PRKAG2: variants seen among roughly 807,000 people sequenced by gnomAD.
PRKAG2 encodes the protein 5'-AMP-activated protein kinase subunit gamma-2.
PRKAG2 carries 26 observed loss-of-function variants against 69.6 expected under a neutral mutation model. The ratio of observed to expected loss-of-function variants is 0.37; its 90% CI spans 0.27 to 0.52. PRKAG2 has a LOEUF of 0.52. Ranked by LOEUF, PRKAG2 falls within the 20% of genes least tolerant of loss-of-function variation. The pLI is 0.90. For missense variants in PRKAG2, 557 were observed against 740.0 expected (o/e 0.75, Z 2.87); for synonymous variants, 293 against 285.0 (o/e 1.03, Z -0.28).
rs1302842896 is a variant in PRKAG2, at chr7:151,583,605, G to A, written c.865-7153C>T. ...ATTCTCCATAATTATAGACGGCACA[G>A]GGTGTTCCAATTAACCAATAAACAG... On this transcript the variant is annotated intron_variant, in intron 6 of 15. Coordinates refer to ENST00000287878, the MANE Select transcript of PRKAG2 (RefSeq NM_016203.4). The surrounding 1 kb of genome is among the most constrained non-coding windows in gnomAD (Gnocchi z 4.1). 6.6e-6 allele frequency among the ~76,000 whole-genome samples: 1 copy of A among 152,176 alleles called. No homozygotes were observed. Among genetic ancestry groups the A allele is most frequent in the Admixed American group, 6.5e-5 (1 of 15,280 alleles).
chr7:151,862,807 ACAGGGAGCACTGTTAGGTCCCTGAGTG>A (rs1208501853), intron 1 of PRKAG2, among the ~76,000 whole-genome samples: 2 of 134,200 alleles, frequency 1.5e-5, no homozygotes, highest in African/African-American at 2.8e-5. Context: ...GTCCCTGGGT[ACAGGGAGCACTGTTAGGTCCCTGAGTG>A]CAGGGAGCAC....
chr7:151,657,284 G>A (rs137864584), intron 4 of PRKAG2, among the ~76,000 whole-genome samples: 215 of 152,234 alleles, frequency 1.4e-3, no homozygotes, highest in African/African-American at 4.7e-3. Context: ...ACATAGGTTG[G>A]GCTCAAAGCT....
chr7:151,590,156 C>T lies in PRKAG2; in HGVS notation c.864+5189G>A, dbSNP rs143970382. Among the ~76,000 whole-genome samples, 250 of 152,314 alleles carry T rather than the reference C, an allele frequency of 1.6e-3. 3 individuals are homozygous for T. Among genetic ancestry groups the T allele is most frequent in the Middle Eastern group, 6.8e-3 (2 of 294 alleles). On this transcript the variant is annotated intron_variant, in intron 6 of 15. Coordinates refer to ENST00000287878, the MANE Select transcript of PRKAG2 (RefSeq NM_016203.4). ...TTGTGTGCCAGGGCCCACATGGCCA[C>T]TGCACTGGCCACTGAGGCAGAAGCC...
intron 5 of PRKAG2, among the ~76,000 whole-genome samples, chr7:151,604,578 CA>C (rs567281951): frequency 3.9e-4 from 60 of 152,210 alleles, no homozygotes; most frequent in African/African-American, 1.4e-3. Context: ...GTTGAGGCTG[CA>C]GTGAGCTGTG....
In PRKAG2 at chr7:151,756,694, G is replaced by A. The variant is rs1046513143; in HGVS notation, c.466+24458C>T. On this transcript the variant is annotated intron_variant, in intron 3 of 15. Coordinates refer to ENST00000287878, the MANE Select transcript of PRKAG2 (RefSeq NM_016203.4). The surrounding 1 kb of genome is among the most constrained non-coding windows in gnomAD (Gnocchi z 4.9). The stretch of plus-strand genomic sequence containing the variant: ...CAGCCCCGCCAGGGCTCCCAGCGCC[G>A]CCCTCTTCCCTTCTCCCACCTGGGG... Among the ~76,000 whole-genome samples, 2 of 152,084 alleles carry A rather than the reference G, an allele frequency of 1.3e-5. No individual in the cohort carries two copies. The highest frequency in any genetic ancestry group is 4.8e-5 in the African/African-American group (2 of 41,408).
rs182109073 is a variant in PRKAG2, at chr7:151,562,202, G to A, written c.1585-1585C>T. 4.9e-3 allele frequency among the ~76,000 whole-genome samples: 639 copies of A among 130,268 alleles called. 9 individuals carry two copies. Among genetic ancestry groups the A allele is most frequent in the African/African-American group, 0.017 (598 of 34,828 alleles). The allele number at this position is 130,268 out of a possible 152,430, so 85.5% of individuals were successfully genotyped here. A position where few individuals can be genotyped will look rare whatever the true frequency, so the allele number is the denominator to read the frequency against. ...GGAGGTTGTAGTGAGCTGAGATTGC[G>A]CCACTGCACTCCAGCCTGGGCGACA... On this transcript the variant is annotated intron_variant, in intron 14 of 15. Transcript: ENST00000287878.
chr7:151,636,452 C>T (rs1367053975), intron 4 of PRKAG2, among the ~76,000 whole-genome samples: 3 of 152,146 alleles, frequency 2.0e-5, no homozygotes, highest in Non-Finnish European at 4.4e-5. Flanking sequence ...ATGTCAGGGC[C>T]CATTCACATT....
rs555900374 is a variant in PRKAG2 at position 151,803,053 on chromosome 7, G to A, written c.115-16512C>T. On this transcript the variant is annotated intron_variant, in intron 1 of 15. Coordinates refer to ENST00000287878, the MANE Select transcript of PRKAG2 (RefSeq NM_016203.4). ...GCTCACTGCAACCTTCACCTCCTGG[G>A]TTCAAGTGATTCTCCTGCCTCAGCC... is the stretch of plus-strand genomic sequence containing the variant. Among the ~76,000 whole-genome samples, 32 of 151,876 alleles carry A rather than the reference G, an allele frequency of 2.1e-4. No individual in the cohort carries two copies. In the South Asian group the frequency reaches 6.7e-3, roughly 32 times the overall value.
chr7:151,872,271 T>C (rs2080234641), intron 1 of PRKAG2, among the ~76,000 whole-genome samples: 1 of 152,086 alleles, frequency 6.6e-6, no homozygotes, highest in Non-Finnish European at 1.5e-5. Context: ...GTTCAGGCCC[T>C]CGGACCCTTA....
chr7:151,772,013 G>A (rs963131880), intron 3 of PRKAG2, among the ~76,000 whole-genome samples: 10 of 152,212 alleles, frequency 6.6e-5, no homozygotes, highest in Non-Finnish European at 1.2e-4. Context: ...AGAAAGCTTT[G>A]AATAAAACAG....
intron 1 of PRKAG2, among the ~76,000 whole-genome samples, chr7:151,795,638 T>C (rs1401421986): frequency 6.6e-6 from 1 of 151,890 alleles, no homozygotes; most frequent in Non-Finnish European, 1.5e-5. Context: ...AGTCAGTGAC[T>C]TGAAGTGAAG....
At chr7:151,870,466 C>G (rs76839935) in intron 1 of PRKAG2, among the ~76,000 whole-genome samples, 8,659 of 152,294 alleles carry the variant, frequency 0.057, 341 homozygotes, top group Non-Finnish European at 0.088. Flanking sequence ...TGCCCTAAAC[C>G]CTAATCCAGC....
chr7:151,665,514 G>T (rs1830916743), intron 4 of PRKAG2, among the ~76,000 whole-genome samples: 2 of 152,250 alleles, frequency 1.3e-5, no homozygotes, highest in Non-Finnish European at 1.5e-5. Flanking sequence ...TTTTTTGACA[G>T]CTGGGAGAAT....
chr7:151,557,197 G>A lies in PRKAG2; in HGVS notation c.*4C>T. On this transcript the variant is annotated 3_prime_UTR_variant, in exon 16 of 16. Coordinates refer to ENST00000287878, the MANE Select transcript of PRKAG2 (RefSeq NM_016203.4). ...TCCTCCTAGGGCGTCTACATTCACG[G>A]CGGTCACTCCGTTTCTGTCTCCTTT... 1 of 1,614,152 alleles carries A rather than the reference G, an allele frequency of 6.2e-7. No homozygotes were observed. Among genetic ancestry groups the A allele is most frequent in the South Asian group, 1.1e-5 (1 of 91,082 alleles).
At chr7:151,644,522 T>C (rs1038554280) in intron 4 of PRKAG2, among the ~76,000 whole-genome samples, 2 of 152,252 alleles carry the variant, frequency 1.3e-5, no homozygotes, top group East Asian at 3.8e-4. Flanking sequence ...ACCAGTAGTT[T>C]GTTCATTTCT....
intron 3 of PRKAG2, among the ~76,000 whole-genome samples, chr7:151,763,246 A>G (rs1226700873): frequency 6.6e-6 from 1 of 152,356 alleles, no homozygotes; most frequent in East Asian, 1.9e-4. Context: ...CAGCCAAGGC[A>G]GGTCTCACGC....
At chr7:151,709,351 G>A (rs962897513) in intron 3 of PRKAG2, among the ~76,000 whole-genome samples, 3 of 151,778 alleles carry the variant, frequency 2.0e-5, no homozygotes, top group African/African-American at 7.2e-5. Context: ...ACAATGATAT[G>A]CAATGTGTGA....
At chr7:151,832,295 G>A (rs1377864455) in intron 1 of PRKAG2, among the ~76,000 whole-genome samples, 1 of 147,416 alleles carries the variant, frequency 6.8e-6, no homozygotes, top group African/African-American at 2.5e-5. Context: ...GAGGAGGGAG[G>A]GAATAAATCT....
chr7:151,853,055 T>G (rs2079616543), intron 1 of PRKAG2, among the ~76,000 whole-genome samples: 1 of 152,198 alleles, frequency 6.6e-6, no homozygotes, highest in Admixed American at 6.5e-5. Flanking sequence ...GTAAACCTAG[T>G]GTCTCTGGAC....
Sources: gnomAD v4.1 joint callset for allele counts (sites outside exome capture counted in the v4.1 genomes callset) on GRCh38, gnomAD v4.1.1 for gene constraint, Gnocchi (gnomAD v3.1) non-coding constraint, MANE v1.5 for transcripts, NCBI Gene and HGNC (gene_info 2026-07-23, HGNC 2026-07-21) for gene names.